NDE1: variants seen among roughly 807,000 people sequenced by gnomAD.
The protein encoded by NDE1 is nuclear distribution protein nudE homolog 1.
A neutral mutation model predicts 43.4 loss-of-function variants in NDE1; 28 were observed. The ratio of observed to expected loss-of-function variants is 0.65; its 90% CI spans 0.48 to 0.89. The LOEUF is 0.89. NDE1 is among the 40% of genes least tolerant of loss of function. NDE1 has a pLI of 0.00. For synonymous variants in NDE1, 184 were observed against 172.0 expected, an observed-to-expected ratio of 1.07 and a Z score of -0.55; for missense variants, 441 against 434.1, an observed-to-expected ratio of 1.02 and a Z score of -0.14.
intron 3 of NDE1, chr16:15,672,629 T>G (rs2037653916): frequency 6.6e-6 from 1 of 152,222 alleles, no homozygotes; most frequent in African/African-American, 2.4e-5. Context: ...AGCTGACAGC[T>G]TATTCGAATT....
chr16:15,652,987 G>T (rs948527884), intron 1 of NDE1, among the ~76,000 whole-genome samples: 1 of 152,130 alleles, frequency 6.6e-6, no homozygotes. Flanking sequence ...TCTCTAAAGC[G>T]ATCTATGCTT....
intron 1 of NDE1, among the ~76,000 whole-genome samples, chr16:15,656,118 TTAAAG>T (rs2036754884): frequency 6.6e-6 from 1 of 151,972 alleles, no homozygotes; most frequent in Non-Finnish European, 1.5e-5. Flanking sequence ...ACCCTAAAAC[TTAAAG>T]TATAATAATA....
At chr16:15,680,402 G>C (rs112563270) in intron 4 of NDE1, among the ~76,000 whole-genome samples, 229 of 152,254 alleles carry the variant, frequency 1.5e-3, no homozygotes, top group African/African-American at 5.2e-3. Context: ...TTGTTTTCCA[G>C]TTCCTGCCAG....
Position 15,724,710 on chromosome 16 carries a change from C to T in NDE1, c.*459C>T, listed in dbSNP as rs2040661438. On this transcript the variant is annotated 3_prime_UTR_variant, in exon 9 of 9. Transcript: ENST00000396354. ...GCTTGGCCTCCATCTCCTCGTCCAG[C>T]TGGTCTTGCAGGCTGTTCCGCTCCT... The T allele has an allele frequency of 1.2e-6, 2 of 1,614,186 alleles. No individual in the cohort carries two copies. Among genetic ancestry groups the T allele is most frequent in the Non-Finnish European group, 8.5e-7 (1 of 1,180,028 alleles).
intron 7 of NDE1, 82 bp downstream of exon 7, chr16:15,694,338 C>G (rs2151132452): frequency 1.2e-5 from 18 of 1,564,376 alleles, no homozygotes; most frequent in Non-Finnish European, 1.6e-5. Context: ...AGTTCCTTCC[C>G]TCTCTTCTTT....
At chr16:15,717,669 G>T (rs1371561184) in intron 8 of NDE1, 2 of 441,226 alleles carry the variant, frequency 4.5e-6, no homozygotes, top group Non-Finnish European at 8.3e-6. Context: ...GGTGGCACGT[G>T]CCTGTAGTCC....
chr16:15,677,719 G>A lies in NDE1; in HGVS notation c.238-82G>A, dbSNP rs913847917. 2.0e-5 allele frequency: 30 copies of A among 1,511,860 alleles called. No homozygotes were observed. The African/African-American group carries it at 3.1e-4, about 16-fold the overall frequency. The allele number at this position is 1,511,860 out of a possible 1,614,324, so 93.7% of individuals were successfully genotyped here. ...CCAGTTTAGCCTCCCGAGTAGCTGT[G>A]ACTCCAGGTGGATGTGTGCTACTGT... On this transcript the variant is annotated intron_variant, in intron 3 of 8. Coordinates refer to ENST00000396354, the MANE Select transcript of NDE1 (RefSeq NM_017668.3).
chr16:15,719,228 C>T lies in NDE1; in HGVS notation c.948-4963C>T, dbSNP rs777919235. On this transcript the variant is annotated intron_variant, in intron 8 of 8. Coordinates refer to ENST00000396354, the MANE Select transcript of NDE1 (RefSeq NM_017668.3). ...TCCATTCAGTTTCCTACCTTCCCGA[C>T]AGGCTACTGGCCAGCTCCTCTGCCA... 6 of 1,613,634 alleles carry T rather than the reference C, an allele frequency of 3.7e-6. No homozygotes were observed. The highest frequency in any genetic ancestry group is 5.1e-6 in the Non-Finnish European group (6 of 1,180,042).
rs545733842 is a variant in NDE1 at position 15,717,459 on chromosome 16, G to A, written c.948-6732G>A. 1.1e-4 allele frequency: 124 copies of A among 1,116,628 alleles called. No homozygotes were observed. In the South Asian group the frequency reaches 1.5e-3, roughly 13 times the overall value. The allele number at this position is 1,116,628 out of a possible 1,614,324, so 69.2% of individuals were successfully genotyped here. ...GCCTCTGCACGAGTCCCTTGATCCC[G>A]GGCACCCTGTCCTCTCCTTCATCCT... On this transcript the variant is annotated intron_variant, in intron 8 of 8. Transcript: ENST00000396354.
chr16:15,689,351 G>T (rs1567650918), intron 5 of NDE1, among the ~76,000 whole-genome samples: 1 of 152,068 alleles, frequency 6.6e-6, no homozygotes, highest in Non-Finnish European at 1.5e-5. Context: ...TAAAAATTAG[G>T]CCTGGTGGCA....
chr16:15,696,948 G>A (rs1326006630), intron 8 of NDE1, 88 bp downstream of exon 8: 1 of 1,564,458 alleles, frequency 6.4e-7, no homozygotes, highest in East Asian at 2.4e-5. Flanking sequence ...ACAGCCATGT[G>A]TCTTTTTAAA....
intron 8 of NDE1, 195 bp downstream of exon 8, chr16:15,697,055 G>T: frequency 2.0e-6 from 3 of 1,492,408 alleles, no homozygotes; most frequent in African/African-American, 1.4e-5. Context: ...TAGAGAGAGG[G>T]TCTTGTTTTG....
chr16:15,703,930 T>TTTTG lies in NDE1; in HGVS notation c.947+7082_947+7085dup, dbSNP rs564766108. On this transcript the variant is annotated intron_variant, in intron 8 of 8. Transcript: ENST00000396354. ...TTGTTCTGGGTTGTTGTTGGGTTTTTTTTGTTTGTTTGTTTTGGTTTTTGG... is the reference window on the plus strand; with the variant it reads ...TTGTTCTGGGTTGTTGTTGGGTTTTTTTTGTTTGTTTGTTTGTTTTGGTTTTTGG... 5 of 1,574,052 alleles carry TTTTG rather than the reference T, an allele frequency of 3.2e-6. No homozygotes were observed. In the South Asian group the frequency reaches 3.3e-5, roughly 10 times the overall value.
At position 15,691,242 on chromosome 16, in the gene NDE1, G is replaced by GCCACGGGCTCCGTGCCGT. The variant is rs2038735511; in HGVS notation, c.628_645dup (p.Gly210_Thr215dup). On this transcript the variant is annotated inframe_insertion, in exon 6 of 9. Transcript: ENST00000396354. The stretch of plus-strand genomic sequence containing the variant: ...TGAGAGGACAGACACAGCTGTGCAG[G>GCCACGGGCTCCGTGCCGT]CCACGGGCTCCGTGCCGTCCACGCC... 1.2e-6 allele frequency: 2 copies of GCCACGGGCTCCGTGCCGT among 1,614,180 alleles called. No individual in the cohort carries two copies. Among genetic ancestry groups the GCCACGGGCTCCGTGCCGT allele is most frequent in the Non-Finnish European group, 1.7e-6 (2 of 1,180,026 alleles).
At chr16:15,674,919 G>A (rs2037790249) in intron 3 of NDE1, among the ~76,000 whole-genome samples, 1 of 152,072 alleles carries the variant, frequency 6.6e-6, no homozygotes, top group Non-Finnish European at 1.5e-5. Context: ...GGGCCACGCT[G>A]GTGACTCTTT....
rs2040728572 is a variant in NDE1 at position 15,725,887 on chromosome 16, T to A, written c.*1636T>A. The A allele has an allele frequency of 1.3e-5, 5 of 391,710 alleles. No individual in the cohort carries two copies. In the East Asian group the frequency reaches 1.8e-4, roughly 14 times the overall value. The allele number at this position is 391,710 out of a possible 1,614,324, so 24.3% of individuals were successfully genotyped here. A position where few individuals can be genotyped will look rare whatever the true frequency, so the allele number is the denominator to read the frequency against. On this transcript the variant is annotated 3_prime_UTR_variant, in exon 9 of 9. Transcript: ENST00000396354. The stretch of plus-strand genomic sequence containing the variant: ...TGCCCAGAGTAAGGATCAACATACA[T>A]GTAATAGGTTCTCAAAAGCCCTACA...
At chr16:15,649,088 C>T (rs1052928504), upstream of NDE1, among the ~76,000 whole-genome samples, 3 of 150,818 alleles carry the variant, frequency 2.0e-5, no homozygotes, top group African/African-American at 7.3e-5. Context: ...CCCAGCTACT[C>T]GGGAGGCTGA....
chr16:15,667,184 T>C (rs1201106502), intron 2 of NDE1, 102 bp from the exon 3 acceptor site: 3 of 1,325,864 alleles, frequency 2.3e-6, no homozygotes, highest in Non-Finnish European at 3.3e-6. Flanking sequence ...AAGCAGAGGT[T>C]GCAGTGAGAC....
rs1289077191 is a variant in NDE1, at chr16:15,664,843, C to T, written c.65C>T (p.Ala22Val). The T allele has an allele frequency of 6.8e-6, 11 of 1,611,452 alleles. No individual in the cohort carries two copies. The highest frequency in any genetic ancestry group is 9.3e-6 in the Non-Finnish European group (11 of 1,178,374). Reference protein sequence around the residue: ...EEEANYWKDLAMTYKQRAENT... With the variant: ...EEEANYWKDLVMTYKQRAENT... ...GAAGCTAACTATTGGAAAGATCTGGCGATGACCTACAAACAGAGGTCAGTC... is the reference window on the plus strand; with the variant it reads ...GAAGCTAACTATTGGAAAGATCTGGTGATGACCTACAAACAGAGGTCAGTC... Residue 22 changes from alanine (A) to valine (V), a missense_variant, in exon 2 of 9, where the codon GCG (alanine) becomes GTG (valine). Ala to Val is a moderately conservative substitution (Grantham distance 64, BLOSUM62 0). Transcript: ENST00000396354.
Sources: gnomAD v4.1 joint callset for allele counts (sites outside exome capture counted in the v4.1 genomes callset) on GRCh38, gnomAD v4.1.1 for gene constraint, MANE v1.5 for transcripts, NCBI Gene and HGNC (gene_info 2026-07-23, HGNC 2026-07-21) for gene names.